Variants in HYCC2 observed in about 807,000 individuals in gnomAD.
HYCC2 encodes the protein hyccin PI4KA lipid kinase complex subunit 2, also known as hyccin 2.
At chr2:201,032,154 G>C in the HYCC2 span, among the ~76,000 whole-genome samples, 1 of 152,084 alleles carries the variant, frequency 6.6e-6, no homozygotes, top group African/African-American at 2.4e-5. Flanking sequence ...TAGAGATGGG[G>C]TTTCACCATG....
At chr2:201,003,999 A>G in the HYCC2 span, among the ~76,000 whole-genome samples, 5 of 151,824 alleles carry the variant, frequency 3.3e-5, no homozygotes, top group East Asian at 9.8e-4. Context: ...ATTTTTAGTG[A>G]GACAGGGTTT....
At chr2:201,033,960 T>C in the HYCC2 span, among the ~76,000 whole-genome samples, 2 of 151,292 alleles carry the variant, frequency 1.3e-5, no homozygotes, top group Admixed American at 6.6e-5. Context: ...GTAATCCTGA[T>C]GACCATCCTC....
the HYCC2 span, among the ~76,000 whole-genome samples, chr2:201,011,966 T>C: frequency 1.3e-5 from 2 of 152,250 alleles, no homozygotes; most frequent in Non-Finnish European, 2.9e-5. Flanking sequence ...ATGAACATTA[T>C]ATATTTATGG....
chr2:201,033,522 G>A, the HYCC2 span, among the ~76,000 whole-genome samples: 5 of 151,800 alleles, frequency 3.3e-5, no homozygotes, highest in South Asian at 1.0e-3. Context: ...TCCTGCCTCA[G>A]CCTCCCAAGT....
At chr2:201,006,040 G>A in the HYCC2 span, among the ~76,000 whole-genome samples, 23 of 151,444 alleles carry the variant, frequency 1.5e-4, no homozygotes, top group Non-Finnish European at 2.6e-4. Context: ...CACCATGTTG[G>A]CCAGGCTAGT....
chr2:200,981,789 G>A, the HYCC2 span: 1 of 1,614,118 alleles, frequency 6.2e-7, no homozygotes, highest in Non-Finnish European at 8.5e-7. The surrounding 1 kb of genome is among the most constrained non-coding windows in gnomAD (Gnocchi z 4.5). Context: ...TTGGCTGACT[G>A]CTGAGGGAAG....
chr2:201,028,366 T>C, the HYCC2 span, among the ~76,000 whole-genome samples: 1 of 152,168 alleles, frequency 6.6e-6, no homozygotes, highest in African/African-American at 2.4e-5. Context: ...AGAGTCAATA[T>C]TGTGAAAATG....
chr2:201,042,089 T>C, the HYCC2 span, among the ~76,000 whole-genome samples: 849 of 152,250 alleles, frequency 5.6e-3, 12 homozygotes, highest in African/African-American at 0.02. Context: ...GCCAAGTGCC[T>C]GGGATTGCAG....
At chr2:200,988,439 G>C in the HYCC2 span, 6 of 1,581,744 alleles carry the variant, frequency 3.8e-6, no homozygotes, top group Non-Finnish European at 4.3e-6. Context: ...GATAATATAA[G>C]TCTATACAAG....
At chr2:201,022,852 A>T in the HYCC2 span, 1 of 1,608,086 alleles carries the variant, frequency 6.2e-7, no homozygotes, top group East Asian at 2.2e-5. Context: ...AATCTTGAAT[A>T]ACTTTATAGA....
At chr2:201,060,936 A>G in the HYCC2 span, among the ~76,000 whole-genome samples, 2 of 152,178 alleles carry the variant, frequency 1.3e-5, no homozygotes, top group African/African-American at 4.8e-5. Context: ...TACACTAACA[A>G]ATTTCATACT....
At chr2:201,005,548 T>A in the HYCC2 span, among the ~76,000 whole-genome samples, 1 of 152,232 alleles carries the variant, frequency 6.6e-6, no homozygotes, top group Non-Finnish European at 1.5e-5. Context: ...AAAGGCCTGA[T>A]GGGCTAGGCT....
chr2:201,009,239 A>T, the HYCC2 span: 2 of 466,772 alleles, frequency 4.3e-6, no homozygotes, highest in East Asian at 6.5e-5. Context: ...GAATCTTTCA[A>T]CTGTCAATTA....
the HYCC2 span, chr2:201,063,141 T>A: frequency 1.2e-5 from 20 of 1,610,458 alleles, no homozygotes; most frequent in Non-Finnish European, 1.7e-5. Context: ...AAGCTCTTCA[T>A]TGGAGGGTTG....
the HYCC2 span, among the ~76,000 whole-genome samples, chr2:201,053,682 A>C: frequency 6.6e-6 from 1 of 152,174 alleles, no homozygotes; most frequent in Admixed American, 6.5e-5. Context: ...AGAACTGCCC[A>C]AGCCGGGCGT....
At chr2:201,007,142 T>C in the HYCC2 span, among the ~76,000 whole-genome samples, 5 of 152,204 alleles carry the variant, frequency 3.3e-5, no homozygotes, top group African/African-American at 1.2e-4. Flanking sequence ...ATAAACATGA[T>C]CATTTTTGAG....
the HYCC2 span, among the ~76,000 whole-genome samples, chr2:201,048,689 T>C: frequency 2.0e-5 from 3 of 152,158 alleles, no homozygotes; most frequent in East Asian, 5.8e-4. Context: ...AGAAGCACAG[T>C]CCTTAAAAAA....
At chr2:200,982,755 A>AATTT in the HYCC2 span, among the ~76,000 whole-genome samples, 10 of 152,180 alleles carry the variant, frequency 6.6e-5, 1 homozygote, top group South Asian at 1.2e-3. Context: ...TTAACAAAAT[A>AATTT]ATTTATTTAT....
chr2:200,981,437 C>CT, the HYCC2 span: 2 of 1,614,180 alleles, frequency 1.2e-6, no homozygotes, highest in Non-Finnish European at 1.7e-6. This position sits in a 1 kb window ranked among gnomAD's most constrained non-coding sequence, Gnocchi z 4.5. Flanking sequence ...AAATTAGTAC[C>CT]TCCCTCAGTG....
Sources: allele counts gnomAD v4.1 joint callset (sites outside exome capture counted in the v4.1 genomes callset), GRCh38; gene constraint gnomAD v4.1.1; non-coding constraint Gnocchi (gnomAD v3.1); transcripts MANE v1.5; gene names NCBI Gene and HGNC (gene_info 2026-07-23, HGNC 2026-07-21).